CUL7: variants seen among roughly 807,000 people sequenced by gnomAD.
The protein encoded by CUL7 is cullin 7, also known as cullin-7.
A neutral mutation model predicts 177.7 loss-of-function variants in CUL7; 96 were observed. That is an observed-to-expected ratio of 0.54 (90% CI 0.46 to 0.64). The LOEUF (loss-of-function observed/expected upper bound fraction) is 0.64, where lower values mean the gene tolerates loss of function less well. Ranked by LOEUF, CUL7 falls within the 30% of genes least tolerant of loss-of-function variation. The probability of loss-of-function intolerance (pLI) is 0.00; values close to 1 mark genes in which losing one functional copy is unlikely to be tolerated. For missense variants in CUL7, 1,893 were observed against 2,187.9 expected (o/e 0.87, Z 2.69); for synonymous variants, 824 against 890.2 (o/e 0.93, Z 1.32).
In CUL7 at chr6:43,052,480, G is replaced by T. The variant is rs779219982; in HGVS notation, c.309C>A (p.Asp103Glu). The T allele has an allele frequency of 6.2e-7, 1 of 1,614,046 alleles. No homozygotes were observed. Among genetic ancestry groups the T allele is most frequent in the Non-Finnish European group, 8.5e-7 (1 of 1,180,040 alleles). The change falls in exon 2 of 26, where the codon GAC (aspartate) becomes GAA (glutamate). Residue 103 changes from aspartate to glutamate, a missense_variant. This residue lies in a region of CUL7 where 653 missense variants were observed against 725.2 expected (regional missense o/e 0.90). Coordinates refer to ENST00000265348, the MANE Select transcript of CUL7 (RefSeq NM_014780.5). The surrounding 1 kb of genome is among the most constrained non-coding windows in gnomAD (Gnocchi z 4.5). The stretch of plus-strand genomic sequence containing the variant: ...TTTCCATCTCCTCCAGCACAGATTT[G>T]TCCAGGGCCCCAACCTCCCCTGCAG... ...QESAGEVGAL[D>E]KSVLEEMETD...
rs1561869964 is a variant in CUL7, at chr6:43,038,249, G to A, written c.4773+18C>T. On this transcript the variant is annotated intron_variant, in intron 25 of 25. Transcript: ENST00000265348. ...CCCCAGCAAAGATCTGTCACCCATT[G>A]TGCCCACCCCTGCCTACCAGACAGA... 3 of 1,613,482 alleles carry A rather than the reference G, an allele frequency of 1.9e-6. No individual in the cohort carries two copies. The highest frequency in any genetic ancestry group is 2.2e-5 in the East Asian group (1 of 44,890).
Position 43,043,237 on chromosome 6 carries a change from G to T in CUL7, c.3356-57C>A, listed in dbSNP as rs1298099939. On this transcript the variant is annotated intron_variant, in intron 17 of 25. Transcript: ENST00000265348. This position sits in a 1 kb window ranked among gnomAD's most constrained non-coding sequence, Gnocchi z 4.2. ...GAGGGTGCAGCCCCTCCACTCCCAA[G>T]TCCCCATCCAAGGGGGTTCCCTGAG... The T allele has an allele frequency of 6.9e-6, 10 of 1,451,208 alleles. No individual in the cohort carries two copies. Among genetic ancestry groups the T allele is most frequent in the Non-Finnish European group, 8.7e-6 (9 of 1,039,464 alleles). The allele number at this position is 1,451,208 out of a possible 1,614,324, so 89.9% of individuals were successfully genotyped here.
chr6:43,042,079 G>T (rs1165171601), intron 19 of CUL7, among the ~76,000 whole-genome samples: 3 of 149,636 alleles, frequency 2.0e-5, no homozygotes, highest in Non-Finnish European at 3.0e-5. Context: ...GAGAAGGAGG[G>T]AGGGAGGGAG....
intron 19 of CUL7, among the ~76,000 whole-genome samples, chr6:43,041,984 A>C (rs1763457294): frequency 6.8e-6 from 1 of 146,202 alleles, no homozygotes; most frequent in South Asian, 2.2e-4. Context: ...AGCCTGGGCA[A>C]CAGAGCGAGA....
rs375006133 is a variant in CUL7, at chr6:43,051,475, G to A, written c.733-7C>T. On this transcript the variant is annotated splice_region_variant and splice_polypyrimidine_tract_variant and intron_variant, in intron 3 of 25. Coordinates refer to ENST00000265348, the MANE Select transcript of CUL7 (RefSeq NM_014780.5). The surrounding 1 kb of genome is among the most constrained non-coding windows in gnomAD (Gnocchi z 5.0). ...AGAGCACCCTTCCTGGGACCTGTGGGATACAACCTTTGGCCTATATCCACC... is the reference window on the plus strand; with the variant it reads ...AGAGCACCCTTCCTGGGACCTGTGGAATACAACCTTTGGCCTATATCCACC... 2.0e-5 allele frequency: 32 copies of A among 1,613,992 alleles called. 1 individual carries two copies. In the African/African-American group the frequency reaches 4.0e-4, roughly 20 times the overall value.
Position 43,053,077 on chromosome 6 carries a change from G to T in CUL7, c.-8-281C>A, listed in dbSNP as rs1441810390. Among the ~76,000 whole-genome samples, 1 of 152,164 alleles carries T rather than the reference G, an allele frequency of 6.6e-6. No homozygotes were observed. Among genetic ancestry groups the T allele is most frequent in the Non-Finnish European group, 1.5e-5 (1 of 68,032 alleles). ...GATATGGAACAGTGGGCGGACTAGTGGGGGCAGGGCAGCCTTGGAGTTACA... is the reference window on the plus strand; with the variant it reads ...GATATGGAACAGTGGGCGGACTAGTTGGGGCAGGGCAGCCTTGGAGTTACA... On this transcript the variant is annotated intron_variant, in intron 1 of 25. Coordinates refer to ENST00000265348, the MANE Select transcript of CUL7 (RefSeq NM_014780.5). The surrounding 1 kb of genome is among the most constrained non-coding windows in gnomAD (Gnocchi z 4.1).
Position 43,043,085 on chromosome 6 carries a change from C to A in CUL7, c.3451G>T (p.Val1151Leu), listed in dbSNP as rs1763589120. The A allele has an allele frequency of 6.2e-7, 1 of 1,614,024 alleles. No individual in the cohort carries two copies. Among genetic ancestry groups the A allele is most frequent in the Non-Finnish European group, 8.5e-7 (1 of 1,180,036 alleles). The change falls in exon 18 of 26, where the codon GTG (valine) becomes TTG (leucine). Residue 1151 changes from valine (V) to leucine (L), a missense_variant. Around this residue, in one of 5 missense-constraint regions of CUL7, gnomAD observed 973 missense variants for 1,140.9 expected, o/e 0.85. Coordinates refer to ENST00000265348, the MANE Select transcript of CUL7 (RefSeq NM_014780.5). The surrounding 1 kb of genome is among the most constrained non-coding windows in gnomAD (Gnocchi z 4.2). ...RNLTRCWRAV[V>L]EKQVNNFLTS... ...CTGCTCCTGCCCACCTGCTTCTCCACCACGGCCCGCCAACAGCGCGTCAGG... is the reference window on the plus strand; with the variant it reads ...CTGCTCCTGCCCACCTGCTTCTCCAACACGGCCCGCCAACAGCGCGTCAGG...
At chr6:43,049,829 T>C in intron 6 of CUL7, 134 bp downstream of exon 6, 2 of 1,338,886 alleles carry the variant, frequency 1.5e-6, no homozygotes, top group East Asian at 2.3e-5. Flanking sequence ...CCTCTGAAAA[T>C]TCCAGACCCC....
In CUL7 at chr6:43,040,094, C is replaced by A; in HGVS notation, c.4294+62G>T. ...CAACATCAGGGTCTGCCCCCAACCC[C>A]AGGTCCTTTCCTAGCAGCCCACCCT... On this transcript the variant is annotated intron_variant, in intron 22 of 25. Transcript: ENST00000265348. This position sits in a 1 kb window ranked among gnomAD's most constrained non-coding sequence, Gnocchi z 4.2. 6.2e-7 allele frequency: 1 copy of A among 1,603,548 alleles called. No homozygotes were observed. The highest frequency in any genetic ancestry group is 8.5e-7 in the Non-Finnish European group (1 of 1,170,838).
chr6:43,040,552 T>G lies in CUL7; in HGVS notation c.4001A>C (p.Glu1334Ala). The G allele has an allele frequency of 6.2e-7, 1 of 1,614,158 alleles. No individual in the cohort carries two copies. The highest frequency in any genetic ancestry group is 8.5e-7 in the Non-Finnish European group (1 of 1,180,024). ...CACCTGTATTTTCTTCTCTGTATCC[T>G]CCAGCTTCAGGAGTTCCTGATCCAG... ...QQLDQELLKLEDTEKKIQVGL... is the reference protein window; with the variant it reads ...QQLDQELLKLADTEKKIQVGL... The change falls in exon 21 of 26, where the codon GAG (glutamate) becomes GCG (alanine). Residue 1334 changes from glutamate to alanine, a missense_variant. Coordinates refer to ENST00000265348, the MANE Select transcript of CUL7 (RefSeq NM_014780.5). This position sits in a 1 kb window ranked among gnomAD's most constrained non-coding sequence, Gnocchi z 4.2.
chr6:43,045,376 C>T lies in CUL7; in HGVS notation c.2889G>A (p.Gly963=). Residue 963 remains glycine (G), a synonymous_variant, in exon 15 of 26, where the codon GGG becomes GGA. Transcript: ENST00000265348. The surrounding 1 kb of genome is among the most constrained non-coding windows in gnomAD (Gnocchi z 4.8). ...QQGGIDTRIR[G]LEILGPKPTF... The stretch of plus-strand genomic sequence containing the variant: ...TGGGCTTGGGGCCTAGGATCTCTAA[C>T]CCCCGAATGCGCGTATCAATGCCAC... 1 of 1,614,224 alleles carries T rather than the reference C, an allele frequency of 6.2e-7. No homozygotes were observed. The highest frequency in any genetic ancestry group is 1.3e-5 in the African/African-American group (1 of 75,048).
chr6:43,045,983 T>A lies in CUL7; in HGVS notation c.2766+3A>T, dbSNP rs1281257801. 2 of 1,611,546 alleles carry A rather than the reference T, an allele frequency of 1.2e-6. No homozygotes were observed. The highest frequency in any genetic ancestry group is 3.3e-5 in the Admixed American group (2 of 60,022). On this transcript the variant is annotated splice_donor_region_variant and intron_variant, in intron 13 of 25. Coordinates refer to ENST00000265348, the MANE Select transcript of CUL7 (RefSeq NM_014780.5). This position sits in a 1 kb window ranked among gnomAD's most constrained non-coding sequence, Gnocchi z 4.8. ...GTAATGGCTAATGGCCCTGGGGTCCTACCGAGTTGAGTTCCGTGTGAAGAG... is the reference window on the plus strand; with the variant it reads ...GTAATGGCTAATGGCCCTGGGGTCCAACCGAGTTGAGTTCCGTGTGAAGAG...
Position 43,051,789 on chromosome 6 carries a change from C to T in CUL7, c.581-26G>A, listed in dbSNP as rs1352786494. The T allele has an allele frequency of 6.2e-7, 1 of 1,613,688 alleles. No individual in the cohort carries two copies. Among genetic ancestry groups the T allele is most frequent in the Admixed American group, 1.7e-5 (1 of 60,008 alleles). On this transcript the variant is annotated intron_variant, in intron 2 of 25. Transcript: ENST00000265348. The surrounding 1 kb of genome is among the most constrained non-coding windows in gnomAD (Gnocchi z 5.0). ...CTGTAACCCACACCCCAGTTGGTAA[C>T]TTCTCCCTAATCTCACCCTTCCTAG...
At position 43,044,756 on chromosome 6, in the gene CUL7, G is replaced by T. The variant is rs201565396; in HGVS notation, c.3168C>A (p.Ser1056=). The change falls in exon 16 of 26, where the codon TCC becomes TCA. Residue 1056 remains serine, a synonymous_variant. Transcript: ENST00000265348. ...TCCAGATGTCAGGATGGTTACCAGG[G>T]GAGGTGATGTTCTGCACCACGGGGC... The part of the protein sequence containing the change: ...LVSPVVQNIT[S]PDEDGISPLG... The T allele has an allele frequency of 1.2e-6, 2 of 1,609,226 alleles. No homozygotes were observed. The highest frequency in any genetic ancestry group is 1.7e-6 in the Non-Finnish European group (2 of 1,175,982).
rs1292770705 is a variant in CUL7, at chr6:43,050,605, CAG to C, written c.1234-209_1234-208del. Among the ~76,000 whole-genome samples, 13 of 133,840 alleles carry C rather than the reference CAG, an allele frequency of 9.7e-5. No homozygotes were observed. The highest frequency in any genetic ancestry group is 1.7e-4 in the African/African-American group (6 of 34,670). The allele number at this position is 133,840 out of a possible 152,430, so 87.8% of individuals were successfully genotyped here. A position where few individuals can be genotyped will look rare whatever the true frequency, so the allele number is the denominator to read the frequency against. On this transcript the variant is annotated intron_variant, in intron 4 of 25. Coordinates refer to ENST00000265348, the MANE Select transcript of CUL7 (RefSeq NM_014780.5). The surrounding 1 kb of genome is among the most constrained non-coding windows in gnomAD (Gnocchi z 4.1). ...ACACACACACACACACACACACACACAGGATGCCTTCTCCTTTGGGGGATGGG... is the reference window on the plus strand; with the variant it reads ...ACACACACACACACACACACACACACGATGCCTTCTCCTTTGGGGGATGGG...
At position 43,044,847 on chromosome 6, in the gene CUL7, T is replaced by C. The variant is rs1404853067; in HGVS notation, c.3077A>G (p.Asp1026Gly). The change falls in exon 16 of 26, where the codon GAC becomes GGC. Residue 1026 changes from aspartate (D) to glycine (G), a missense_variant. Asp to Gly is a moderately conservative substitution (Grantham distance 94). This residue lies in a region of CUL7 where 973 missense variants were observed against 1,140.9 expected (regional missense o/e 0.85). Coordinates refer to ENST00000265348, the MANE Select transcript of CUL7 (RefSeq NM_014780.5). The part of the protein sequence containing the change: ...GALRQEQNFA[D>G]RFLPDDEAAQ... The stretch of plus-strand genomic sequence containing the variant: ...AGCCTCGTCATCAGGGAGGAAGCGG[T>C]CAGCAAAATTCTGCTCCTGGCGCAG... 6.2e-7 allele frequency: 1 copy of C among 1,613,674 alleles called. No individual in the cohort carries two copies. Among genetic ancestry groups the C allele is most frequent in the Non-Finnish European group, 8.5e-7 (1 of 1,179,800 alleles).
chr6:43,041,957 T>TC (rs1763453867), intron 19 of CUL7, among the ~76,000 whole-genome samples: 1 of 131,398 alleles, frequency 7.6e-6, no homozygotes, highest in Non-Finnish European at 1.5e-5. Flanking sequence ...TGAGCTGAGA[T>TC]CGAGCCACTG....
In CUL7 at chr6:43,040,852, G is replaced by A; in HGVS notation, c.3806+63C>T. ...CTCTATCCCAGACTTCCAGGCCCAT[G>A]AGCTGGCTCTGCCACCATCATCCTG... is the stretch of plus-strand genomic sequence containing the variant. On this transcript the variant is annotated intron_variant, in intron 20 of 25. Coordinates refer to ENST00000265348, the MANE Select transcript of CUL7 (RefSeq NM_014780.5). This position sits in a 1 kb window ranked among gnomAD's most constrained non-coding sequence, Gnocchi z 4.2. 1 of 1,603,424 alleles carries A rather than the reference G, an allele frequency of 6.2e-7. No individual in the cohort carries two copies. Among genetic ancestry groups the A allele is most frequent in the Admixed American group, 1.7e-5 (1 of 59,190 alleles).
intron 19 of CUL7, 49 bp downstream of exon 19, chr6:43,042,749 AAGGG>A: frequency 8.4e-7 from 1 of 1,191,132 alleles, no homozygotes; most frequent in Non-Finnish European, 1.2e-6. Context: ...GGAGGTGAGG[AAGGG>A]AGAGTTTGTC....
Sources: gnomAD v4.1 joint callset for allele counts (sites outside exome capture counted in the v4.1 genomes callset) on GRCh38, gnomAD v4.1.1 for gene constraint, gnomAD v4.1.1 regional missense constraint, Gnocchi (gnomAD v3.1) non-coding constraint, MANE v1.5 for transcripts, NCBI Gene and HGNC (gene_info 2026-07-23, HGNC 2026-07-21) for gene names.